The following OSBPL10 variants were observed in gnomAD, a reference collection of about 807,000 sequenced individuals.
OSBPL10 encodes the protein oxysterol binding protein like 10, also known as oxysterol-binding protein-related protein 10.
Under a neutral mutation model 81.7 loss-of-function variants are expected in OSBPL10, and 49 were observed. That is an observed-to-expected ratio of 0.60 (90% CI 0.48 to 0.76). OSBPL10 has a LOEUF of 0.76. Among genes scored for constraint, OSBPL10 ranks in the 30% least tolerant of loss-of-function variants. The pLI is 0.00. For missense variants in OSBPL10, 923 were observed against 987.8 expected, an observed-to-expected ratio of 0.93 and a Z score of 0.88; for synonymous variants, 419 against 383.6, an observed-to-expected ratio of 1.09 and a Z score of -1.08.
intron 1 of OSBPL10, among the ~76,000 whole-genome samples, chr3:31,965,574 TAATATATTATATAA>T (rs1698329610): frequency 1.2e-5 from 1 of 81,102 alleles, no homozygotes; most frequent in East Asian, 4.3e-4. Context: ...ATATATTATA[TAATATATTATATAA>T]ATTATATATT....
At chr3:32,045,414 G>A (rs933509824) in intron 2 of OSBPL10, among the ~76,000 whole-genome samples, 1 of 152,212 alleles carries the variant, frequency 6.6e-6, no homozygotes, top group Admixed American at 6.5e-5. Flanking sequence ...TATGCTAACA[G>A]ATCAGTTTAC....
intron 6 of OSBPL10, among the ~76,000 whole-genome samples, chr3:31,720,361 G>T (rs1696595503): frequency 6.6e-6 from 1 of 152,158 alleles, no homozygotes; most frequent in African/African-American, 2.4e-5. Context: ...GGAAGGGAGG[G>T]GCAATGGCAG....
Position 31,909,982 on chromosome 3 carries a change from CTTTT to C in OSBPL10, c.282-30156_282-30153del, listed in dbSNP as rs563373548. 3.0e-3 allele frequency among the ~76,000 whole-genome samples: 389 copies of C among 129,280 alleles called. 6 individuals carry two copies. In the East Asian group the frequency reaches 0.051, roughly 17 times the overall value. 84.8% of individuals were successfully genotyped at this position (129,280 alleles called of 152,430 possible). The stretch of plus-strand genomic sequence containing the variant: ...TCATTTTGCATCCTTGTCTCCTGGC[CTTTT>C]TTTTTTTTTTTTTTTAGATGGAACC... On this transcript the variant is annotated intron_variant, in intron 1 of 11. Coordinates refer to ENST00000396556, the MANE Select transcript of OSBPL10 (RefSeq NM_017784.5).
intron 8 of OSBPL10, among the ~76,000 whole-genome samples, chr3:31,679,858 T>C (rs917993312): frequency 6.6e-6 from 1 of 152,124 alleles, no homozygotes; most frequent in African/African-American, 2.4e-5. Flanking sequence ...TCCCATTTCT[T>C]ATTACAAACT....
At chr3:31,946,398 T>G (rs1697704279) in intron 1 of OSBPL10, among the ~76,000 whole-genome samples, 1 of 111,430 alleles carries the variant, frequency 9.0e-6, no homozygotes. Context: ...TAAGTTGTTT[T>G]TTATCAAAAA....
At chr3:31,685,907 T>A (rs1700780797) in intron 7 of OSBPL10, among the ~76,000 whole-genome samples, 1 of 152,230 alleles carries the variant, frequency 6.6e-6, no homozygotes, top group Admixed American at 6.5e-5. Context: ...TGATCCCCGA[T>A]GTGGCAGTGT....
At chr3:32,047,477 T>C (rs1253177243) in intron 1 of OSBPL10, among the ~76,000 whole-genome samples, 1 of 152,130 alleles carries the variant, frequency 6.6e-6, no homozygotes, top group African/African-American at 2.4e-5. Context: ...TTAGACCATA[T>C]AGTGGAACTT....
At chr3:31,973,767 C>G (rs953440770) in intron 1 of OSBPL10, among the ~76,000 whole-genome samples, 3 of 152,202 alleles carry the variant, frequency 2.0e-5, no homozygotes, top group Non-Finnish European at 2.9e-5. Flanking sequence ...ATGGTTCAGC[C>G]ACTTTGGAAA....
intron 4 of OSBPL10, chr3:31,797,860 G>A (rs1371911785): frequency 1.1e-5 from 5 of 452,852 alleles, no homozygotes; most frequent in East Asian, 7.0e-5. Flanking sequence ...ATGGGGATGG[G>A]GGGGTGAATG....
At chr3:31,694,321 A>C (rs1695646530) in intron 7 of OSBPL10, among the ~76,000 whole-genome samples, 1 of 131,370 alleles carries the variant, frequency 7.6e-6, no homozygotes, top group Non-Finnish European at 1.6e-5. Flanking sequence ...AAGTTAGCCG[A>C]GATCATGCTA....
intron 1 of OSBPL10, among the ~76,000 whole-genome samples, chr3:31,939,144 CT>C (rs57544063): frequency 0.053 from 3,490 of 65,242 alleles, 72 homozygotes; most frequent in African/African-American, 0.15. Flanking sequence ...CTCTCTCATC[CT>C]TTTTTTTTTT....
chr3:32,053,396 G>A lies in OSBPL10; in HGVS notation n.186-6793C>T, dbSNP rs371994608. 4.6e-5 allele frequency among the ~76,000 whole-genome samples: 7 copies of A among 152,296 alleles called. 1 individual carries two copies. Among genetic ancestry groups the A allele is most frequent in the African/African-American group, 1.7e-4 (7 of 41,572 alleles). On this transcript the variant is annotated intron_variant and non_coding_transcript_variant, in intron 1 of 3. Coordinates refer to the OSBPL10 transcript ENST00000479173. ...TAACCTTATAAAAGAAATTCTGTGT[G>A]TGAACATACTGGCTAAAGTTAAAGG...
chr3:31,977,489 A>G (rs1347129083), intron 1 of OSBPL10, among the ~76,000 whole-genome samples: 1 of 152,032 alleles, frequency 6.6e-6, no homozygotes, highest in East Asian at 1.9e-4. Flanking sequence ...TGAAATTCTA[A>G]TCCTGGCCAA....
intron 2 of OSBPL10, among the ~76,000 whole-genome samples, chr3:32,021,267 C>G (rs575441856): frequency 6.6e-6 from 1 of 152,262 alleles, no homozygotes; most frequent in African/African-American, 2.4e-5. Context: ...CTTACAAATA[C>G]AAAAGTGTGG....
chr3:31,721,218 A>T (rs183711449), intron 6 of OSBPL10, among the ~76,000 whole-genome samples: 2 of 152,350 alleles, frequency 1.3e-5, no homozygotes, highest in African/African-American at 4.8e-5. Flanking sequence ...ATTCTACCCT[A>T]GAGCGTTCAG....
At chr3:31,853,523 C>A (rs1433028446) in intron 3 of OSBPL10, among the ~76,000 whole-genome samples, 2 of 152,124 alleles carry the variant, frequency 1.3e-5, no homozygotes, top group Non-Finnish European at 2.9e-5. Context: ...CAAGGTTAGC[C>A]ACCTTGGAAT....
At chr3:31,860,264 G>A (rs544659131) in intron 3 of OSBPL10, among the ~76,000 whole-genome samples, 1 of 152,264 alleles carries the variant, frequency 6.6e-6, no homozygotes, top group South Asian at 2.1e-4. Flanking sequence ...GACCTATGAT[G>A]GGCCAACTCT....
chr3:31,954,896 A>G (rs1267148634), intron 1 of OSBPL10, among the ~76,000 whole-genome samples: 3 of 152,378 alleles, frequency 2.0e-5, no homozygotes, highest in African/African-American at 4.8e-5. Flanking sequence ...TCTATGGATG[A>G]GACAGATGGA....
At chr3:31,774,162 C>CAAAA (rs550791243) in intron 4 of OSBPL10, among the ~76,000 whole-genome samples, 6 of 81,460 alleles carry the variant, frequency 7.4e-5, no homozygotes, top group East Asian at 8.4e-4. Context: ...AACTCCATCT[C>CAAAA]AAAAAAAAAA....
Sources: gnomAD v4.1 joint callset for allele counts (sites outside exome capture counted in the v4.1 genomes callset) on GRCh38, gnomAD v4.1.1 for gene constraint, MANE v1.5 for transcripts, NCBI Gene and HGNC (gene_info 2026-07-23, HGNC 2026-07-21) for gene names.